Variants in PGM3 observed in about 807,000 individuals in gnomAD.
PGM3 encodes the protein phosphoglucomutase 3.
In PGM3, 40 loss-of-function variants were observed where a neutral mutation model predicts 66.2. The observed-to-expected ratio is 0.60, with a 90% CI of 0.47 to 0.79. The LOEUF (loss-of-function observed/expected upper bound fraction) is 0.79. Ranked by LOEUF, PGM3 falls within the 30% of genes least tolerant of loss-of-function variation. The pLI is 0.00. For missense variants in PGM3, 537 were observed against 643.4 expected (o/e 0.83, Z 1.79); for synonymous variants, 191 against 224.2 (o/e 0.85, Z 1.32).
chr6:83,178,632 C>G (rs753846563), intron 8 of PGM3, 41 bp downstream of exon 8: 12 of 1,072,500 alleles, frequency 1.1e-5, no homozygotes, highest in Non-Finnish European at 1.7e-5. Flanking sequence ...GAAACATGAT[C>G]TTAATTAAGA....
At chr6:83,191,296 G>C in intron 1 of PGM3, 7 of 1,453,574 alleles carry the variant, frequency 4.8e-6, no homozygotes, top group Non-Finnish European at 6.5e-6. Flanking sequence ...CCTGGACGCC[G>C]GGCACACTTA....
At chr6:83,158,705 A>ATAG (rs1272673099), downstream of PGM3, 2 of 942,424 alleles carry the variant, frequency 2.1e-6, no homozygotes, top group Non-Finnish European at 3.2e-6. Context: ...CTAGGAGAAT[A>ATAG]TAGTCTTTTT....
chr6:83,161,971 T>C (rs1026768807), downstream of PGM3, among the ~76,000 whole-genome samples: 9 of 152,144 alleles, frequency 5.9e-5, no homozygotes, highest in South Asian at 2.1e-4. Flanking sequence ...TTAAAAAGAA[T>C]GAAGTTTTAT....
intron 8 of PGM3, 148 bp downstream of exon 8, chr6:83,178,525 T>G (rs1208762243): frequency 3.3e-6 from 2 of 598,896 alleles, no homozygotes; most frequent in Non-Finnish European, 5.9e-6. Context: ...ACAACTAAAT[T>G]TTTTCTTATT....
Position 83,167,627 on chromosome 6 carries a change from C to G in PGM3, c.*1607G>C. 8.2e-7 allele frequency: 1 copy of G among 1,225,586 alleles called. No individual in the cohort carries two copies. Among genetic ancestry groups the G allele is most frequent in the East Asian group, 3.4e-5 (1 of 29,000 alleles). The allele number at this position is 1,225,586 out of a possible 1,614,324, so 75.9% of individuals were successfully genotyped here. On this transcript the variant is annotated 3_prime_UTR_variant, in exon 13 of 13. Coordinates refer to ENST00000513973, the MANE Select transcript of PGM3 (RefSeq NM_015599.3). ...AGCTATTTCTGTTAACTAAGCTTAT[C>G]TGCGCATTCTAGTTGGGAACTATTA...
In PGM3 at chr6:83,182,974, A is replaced by G. The variant is rs748346054; in HGVS notation, c.462T>C (p.Tyr154=). The part of the protein sequence containing the change: ...VTVLGGQFHD[Y]GLLTTPQLHY... Reference sequence around the variant, plus strand: ...GCAGCTGGGGTGTTGTTAACAAGCCATAATCTGTCATAGAAATACAAAAAG... The same window carrying G: ...GCAGCTGGGGTGTTGTTAACAAGCCGTAATCTGTCATAGAAATACAAAAAG... Residue 154 remains tyrosine, a synonymous_variant, in exon 5 of 13, where the codon TAT becomes TAC. Transcript: ENST00000513973. 6.2e-7 allele frequency: 1 copy of G among 1,613,262 alleles called. No individual in the cohort carries two copies. The highest frequency in any genetic ancestry group is 2.2e-5 in the East Asian group (1 of 44,864).
chr6:83,161,430 A>G (rs2128417291), downstream of PGM3, among the ~76,000 whole-genome samples: 1 of 152,318 alleles, frequency 6.6e-6, no homozygotes, highest in East Asian at 1.9e-4. Flanking sequence ...TAAATTTAAA[A>G]GTATCCATGT....
chr6:83,184,953 C>T (rs1788464747), intron 4 of PGM3, among the ~76,000 whole-genome samples: 1 of 152,190 alleles, frequency 6.6e-6, no homozygotes, highest in South Asian at 2.1e-4. Flanking sequence ...GTTGCAGCTA[C>T]ATTAACCTTT....
rs1311527123 is a variant in PGM3 at position 83,166,324 on chromosome 6, T to C, written c.*2910A>G. The C allele has an allele frequency of 2.7e-5, 18 of 663,820 alleles. No individual in the cohort carries two copies. Among genetic ancestry groups the C allele is most frequent in the Non-Finnish European group, 4.1e-5 (15 of 366,896 alleles). The allele number at this position is 663,820 out of a possible 1,614,324, so 41.1% of individuals were successfully genotyped here. Reference sequence around the variant, plus strand: ...TCAATTGGTCATTATCAATTTCCGATGACTGGCCACTGCACTCCTCATCTT... The same window carrying C: ...TCAATTGGTCATTATCAATTTCCGACGACTGGCCACTGCACTCCTCATCTT... On this transcript the variant is annotated 3_prime_UTR_variant, in exon 13 of 13. Transcript: ENST00000513973.
the PGM3 span, chr6:83,156,052 A>G: frequency 3.1e-6 from 5 of 1,613,966 alleles, no homozygotes; most frequent in East Asian, 4.5e-5. Context: ...AGCATTTGCT[A>G]TTTTTAGCAG....
the PGM3 span, chr6:83,153,970 G>A: frequency 1.2e-6 from 2 of 1,614,026 alleles, no homozygotes; most frequent in Non-Finnish European, 1.7e-6. Flanking sequence ...CACACGGAGA[G>A]CTTGGAAAAA....
chr6:83,164,858 T>G (rs1785084844), downstream of PGM3: 2 of 638,066 alleles, frequency 3.1e-6, no homozygotes, highest in East Asian at 5.7e-5. Context: ...ACTGGTGAAG[T>G]CAAAGGAGAA....
At chr6:83,157,356 A>G (rs757147390), downstream of PGM3, 2 of 1,596,590 alleles carry the variant, frequency 1.3e-6, no homozygotes, top group South Asian at 1.1e-5. Flanking sequence ...ATAAATCTAA[A>G]TGATAAAACA....
At chr6:83,173,970 T>TCGTGATCCG (rs1787550656) in intron 10 of PGM3, among the ~76,000 whole-genome samples, 1 of 151,866 alleles carries the variant, frequency 6.6e-6, no homozygotes, top group Non-Finnish European at 1.5e-5. Context: ...TCTCCTGACC[T>TCGTGATCCG]CGTGATCCGC....
chr6:83,164,701 G>A (rs776210594), downstream of PGM3: 4 of 1,591,186 alleles, frequency 2.5e-6, no homozygotes, highest in Non-Finnish European at 1.7e-6. Context: ...TGGAGGGATT[G>A]GAGATGGCCA....
At chr6:83,184,398 T>C (rs1001830723) in intron 4 of PGM3, among the ~76,000 whole-genome samples, 1 of 152,174 alleles carries the variant, frequency 6.6e-6, no homozygotes, top group African/African-American at 2.4e-5. Context: ...TTAGCTCTGG[T>C]ATAATGATGA....
At chr6:83,174,557 A>C in intron 9 of PGM3, 70 bp from the exon 10 acceptor site, 1 of 747,822 alleles carries the variant, frequency 1.3e-6, no homozygotes, top group Non-Finnish European at 2.1e-6. Flanking sequence ...CTATTATTCT[A>C]GCTAACCCAC....
At chr6:83,193,278 G>C (rs1789317536), upstream of PGM3, 1 of 152,306 alleles carries the variant, frequency 6.6e-6, no homozygotes, top group South Asian at 2.1e-4. Context: ...ACGTGGCCCT[G>C]CGTGGCTTCC....
chr6:83,173,979 G>A (rs1053124666), intron 10 of PGM3, among the ~76,000 whole-genome samples: 28 of 152,126 alleles, frequency 1.8e-4, no homozygotes, highest in Admixed American at 1.1e-3. Context: ...CTCGTGATCC[G>A]CCCTCCTTGG....
Sources: allele counts gnomAD v4.1 joint callset (sites outside exome capture counted in the v4.1 genomes callset), GRCh38; gene constraint gnomAD v4.1.1; transcripts MANE v1.5; gene names NCBI Gene and HGNC (gene_info 2026-07-23, HGNC 2026-07-21).